ELK3: variants seen among roughly 807,000 people sequenced by gnomAD.
ELK3 encodes the protein ETS domain-containing protein Elk-3.
A neutral mutation model predicts 28.9 loss-of-function variants in ELK3; 10 were observed. The observed-to-expected ratio is 0.35, with a 90% CI of 0.21 to 0.59. ELK3 has a LOEUF of 0.59. Ranked by LOEUF, ELK3 falls within the 20% of genes least tolerant of loss-of-function variation. The pLI, the probability that ELK3 is intolerant of heterozygous loss-of-function variation, is 0.82. For missense variants in ELK3, 463 were observed against 517.3 expected (o/e 0.90, Z 1.02); for synonymous variants, 272 against 243.5 (o/e 1.12, Z -1.09).
chr12:96,253,491 T>C (rs1951923540), intron 3 of ELK3, among the ~76,000 whole-genome samples: 2 of 152,198 alleles, frequency 1.3e-5, no homozygotes, highest in Admixed American at 1.3e-4. Context: ...TTCTGTGGGA[T>C]TAACTCACCT....
intron 2 of ELK3, among the ~76,000 whole-genome samples, chr12:96,226,923 C>G (rs868031066): frequency 1.3e-5 from 2 of 152,160 alleles, no homozygotes; most frequent in African/African-American, 4.8e-5. Context: ...AAAGAGATGA[C>G]GAAAACTACA....
chr12:96,265,316 T>C (rs1952021703), intron 4 of ELK3, among the ~76,000 whole-genome samples: 1 of 152,214 alleles, frequency 6.6e-6, no homozygotes, highest in Middle Eastern at 3.4e-3. Context: ...GCAAAACAGA[T>C]GAATACCAAA....
intron 1 of ELK3, chr12:96,213,695 T>A (rs1951591349): frequency 6.6e-6 from 1 of 152,230 alleles, no homozygotes; most frequent in Non-Finnish European, 1.5e-5. Flanking sequence ...TTTCAGTGGT[T>A]GTCAGTGATT....
At chr12:96,246,834 C>G (rs1201233385) in intron 2 of ELK3, 106 bp from the exon 3 acceptor site, 61 of 1,185,854 alleles carry the variant, frequency 5.1e-5, no homozygotes, top group Non-Finnish European at 6.8e-5. Flanking sequence ...GAATGTAAAT[C>G]AGGAACATTT....
intron 1 of ELK3, among the ~76,000 whole-genome samples, chr12:96,207,849 TAATA>T (rs1178982659): frequency 6.6e-6 from 1 of 152,246 alleles, no homozygotes; most frequent in African/African-American, 2.4e-5. Flanking sequence ...ACCCTTTGTA[TAATA>T]AATTATCAGC....
At position 96,267,373 on chromosome 12, in the gene ELK3, A is replaced by C. The variant is rs947877359; in HGVS notation, c.*193A>C. The C allele has an allele frequency of 2.6e-5, 12 of 470,182 alleles. No homozygotes were observed. Among genetic ancestry groups the C allele is most frequent in the Non-Finnish European group, 3.7e-5 (10 of 267,286 alleles). The allele number at this position is 470,182 out of a possible 1,614,324, so 29.1% of individuals were successfully genotyped here. ...TTGATATATTCAAGTATATATGAAAATCTGTTTGGCATTAAGTGAATTTTA... is the reference window on the plus strand; with the variant it reads ...TTGATATATTCAAGTATATATGAAACTCTGTTTGGCATTAAGTGAATTTTA... On this transcript the variant is annotated 3_prime_UTR_variant, in exon 5 of 5. Coordinates refer to ENST00000228741, the MANE Select transcript of ELK3 (RefSeq NM_005230.4).
chr12:96,241,426 TTGTGTG>T (rs57658963), intron 2 of ELK3, among the ~76,000 whole-genome samples: 25 of 146,348 alleles, frequency 1.7e-4, no homozygotes, highest in Non-Finnish European at 2.7e-4. Flanking sequence ...AGTGGAGCGT[TTGTGTG>T]TGTGTGTGTG....
chr12:96,262,006 C>T (rs1229860179), intron 4 of ELK3, among the ~76,000 whole-genome samples: 2 of 142,906 alleles, frequency 1.4e-5, no homozygotes, highest in Non-Finnish European at 1.5e-5. Context: ...TGGGATAGGG[C>T]CTGATAAAAA....
chr12:96,209,099 C>T (rs1318210145), intron 1 of ELK3, among the ~76,000 whole-genome samples: 3 of 152,212 alleles, frequency 2.0e-5, no homozygotes, highest in Admixed American at 6.5e-5. Context: ...CGTGGTGCAG[C>T]GTGTGTGCAC....
chr12:96,241,466 G>A (rs185951571), intron 2 of ELK3, among the ~76,000 whole-genome samples: 1,604 of 147,096 alleles, frequency 0.011, 47 homozygotes, highest in Admixed American at 0.062. Flanking sequence ...GTGTACATAT[G>A]TAAACACACT....
chr12:96,212,772 ACT>A (rs1951586308), intron 1 of ELK3: 2 of 151,864 alleles, frequency 1.3e-5, no homozygotes, highest in South Asian at 4.1e-4. Flanking sequence ...CATAGTGCAC[ACT>A]CTGTGTGGCT....
At position 96,247,566 on chromosome 12, in the gene ELK3, G is replaced by T; in HGVS notation, c.834G>T (p.Ser278=). 1 of 1,613,896 alleles carries T rather than the reference G, an allele frequency of 6.2e-7. No homozygotes were observed. Among genetic ancestry groups the T allele is most frequent in the East Asian group, 2.2e-5 (1 of 44,860 alleles). Residue 278 remains serine (S), a synonymous_variant, in exon 3 of 5, where the codon TCG becomes TCT. Transcript: ENST00000228741. This position sits in a 1 kb window ranked among gnomAD's most constrained non-coding sequence, Gnocchi z 5.5. ...CCCTGGAGCCCTTGAACCTGTCATC[G>T]GGCTCCAAGACCAAGTCTCCATCTC... ...SDSLEPLNLS[S]GSKTKSPSLP...
intron 3 of ELK3, among the ~76,000 whole-genome samples, chr12:96,248,121 C>T (rs1025580383): frequency 5.9e-5 from 9 of 152,078 alleles, no homozygotes; most frequent in African/African-American, 1.4e-4. Flanking sequence ...TCTCTGGGGG[C>T]GCTTAATAAG....
intron 1 of ELK3, among the ~76,000 whole-genome samples, chr12:96,214,485 A>T (rs1398105880): frequency 1.1e-4 from 17 of 152,232 alleles, no homozygotes. Context: ...ACCATTGCAG[A>T]CTGTAAAGAG....
intron 2 of ELK3, among the ~76,000 whole-genome samples, chr12:96,230,731 G>A (rs979045291): frequency 1.3e-5 from 2 of 152,296 alleles, no homozygotes; most frequent in South Asian, 4.1e-4. Context: ...CGCCAATCCC[G>A]GATTGGCAGT....
chr12:96,235,650 T>G (rs1055388777), intron 2 of ELK3, among the ~76,000 whole-genome samples: 3 of 151,764 alleles, frequency 2.0e-5, no homozygotes, highest in African/African-American at 7.3e-5. Context: ...AAAGCCAGGA[T>G]GAGAAGACAC....
chr12:96,215,751 C>T (rs7952980), intron 1 of ELK3, among the ~76,000 whole-genome samples: 133,409 of 151,220 alleles, frequency 0.88, 59,026 homozygotes, highest in East Asian at 1. Flanking sequence ...TCCTCTCACC[C>T]CAGCCTCTTG....
rs141313404 is a variant in ELK3 at position 96,254,762 on chromosome 12, AG to A, written c.1003-4967del. 6.8e-4 allele frequency among the ~76,000 whole-genome samples: 104 copies of A among 152,212 alleles called. 3 individuals carry two copies. The East Asian group carries it at 0.016, about 23-fold the overall frequency. On this transcript the variant is annotated intron_variant, in intron 3 of 4. Coordinates refer to ENST00000228741, the MANE Select transcript of ELK3 (RefSeq NM_005230.4). ...GTTGCAAAAGGAATCCTAAGGAGGA[AG>A]GTATTAACTTTGCCTGAGATGGAGG...
chr12:96,215,904 G>C (rs1039963848), intron 1 of ELK3, among the ~76,000 whole-genome samples: 1 of 152,162 alleles, frequency 6.6e-6, no homozygotes, highest in African/African-American at 2.4e-5. Context: ...AAAGTGCCAG[G>C]ATTACAGGCG....
Sources: allele counts gnomAD v4.1 joint callset (sites outside exome capture counted in the v4.1 genomes callset), GRCh38; gene constraint gnomAD v4.1.1; non-coding constraint Gnocchi (gnomAD v3.1); transcripts MANE v1.5; gene names NCBI Gene and HGNC (gene_info 2026-07-23, HGNC 2026-07-21).